NELL1: variants seen among roughly 807,000 people sequenced by gnomAD.
The protein encoded by NELL1 is protein kinase C-binding protein NELL1.
NELL1 carries 76 observed loss-of-function variants against 107.4 expected under a neutral mutation model. The ratio of observed to expected loss-of-function variants is 0.71; its 90% CI spans 0.59 to 0.86. The LOEUF (loss-of-function observed/expected upper bound fraction) is 0.86. NELL1 is among the 40% of genes least tolerant of loss of function. The probability of loss-of-function intolerance (pLI) is 0.00; values close to 1 mark genes in which losing one functional copy is unlikely to be tolerated. For synonymous variants in NELL1, 353 were observed against 341.2 expected, an observed-to-expected ratio of 1.03 and a Z score of -0.38; for missense variants, 1,024 against 1,005.5, an observed-to-expected ratio of 1.02 and a Z score of -0.25.
At chr11:20,766,180 C>T (rs571963974) in intron 2 of NELL1, among the ~76,000 whole-genome samples, 1 of 152,266 alleles carries the variant, frequency 6.6e-6, no homozygotes, top group Admixed American at 6.5e-5. Flanking sequence ...ATGACCCTTC[C>T]CTGGGCCCCC....
intron 2 of NELL1, among the ~76,000 whole-genome samples, chr11:20,732,569 G>A (rs1357543489): frequency 2.0e-5 from 3 of 152,142 alleles, no homozygotes; most frequent in African/African-American, 7.2e-5. Flanking sequence ...AGATCATTTG[G>A]GGCTGGCAGG....
intron 5 of NELL1, among the ~76,000 whole-genome samples, chr11:20,911,004 T>G (rs1020086327): frequency 1.3e-5 from 2 of 152,240 alleles, no homozygotes; most frequent in Non-Finnish European, 2.9e-5. Flanking sequence ...TATGTTTAAC[T>G]GTATACTGTA....
intron 13 of NELL1, among the ~76,000 whole-genome samples, chr11:21,185,536 C>T (rs1856917407): frequency 1.3e-5 from 2 of 151,660 alleles, no homozygotes; most frequent in African/African-American, 4.9e-5. Context: ...CTCAGGTGAT[C>T]CACCCGCCTC....
intron 16 of NELL1, among the ~76,000 whole-genome samples, chr11:21,539,400 C>A (rs191158447): frequency 2.0e-4 from 31 of 152,056 alleles, no homozygotes; most frequent in African/African-American, 7.5e-4. Flanking sequence ...GCCAGTGTGA[C>A]GGCTTTCTGT....
At position 20,992,709 on chromosome 11, in the gene NELL1, ATTTTTTTTTT is replaced by A. The variant is rs56048576; in HGVS notation, c.1300+32162_1300+32171del. On this transcript the variant is annotated intron_variant, in intron 12 of 19. Transcript: ENST00000357134. Reference sequence around the variant, plus strand: ...TGCTACTTCCCTAGGCAAAAGTGGCATTTTTTTTTTTTTTTTTTTTTTGAAACAGAGTTTC... The same window carrying A: ...TGCTACTTCCCTAGGCAAAAGTGGCATTTTTTTTTTTTGAAACAGAGTTTC... 0.012 allele frequency among the ~76,000 whole-genome samples: 1,373 copies of A among 114,502 alleles called. 69 individuals are homozygous for A. In the East Asian group the frequency reaches 0.13, roughly 11 times the overall value. 75.1% of individuals were successfully genotyped at this position (114,502 alleles called of 152,430 possible).
At chr11:20,926,771 C>T (rs1448758843) in intron 7 of NELL1, among the ~76,000 whole-genome samples, 3 of 152,130 alleles carry the variant, frequency 2.0e-5, no homozygotes, top group Admixed American at 1.3e-4. Flanking sequence ...ATTCCTGGGG[C>T]ATTCTGTTTG....
At chr11:21,088,038 T>G (rs12418446) in intron 12 of NELL1, among the ~76,000 whole-genome samples, 22,347 of 151,148 alleles carry the variant, frequency 0.15, 2,072 homozygotes, top group Middle Eastern at 0.27. Context: ...GACAGCTTGT[T>G]TTCTGTGAGT....
In NELL1 at chr11:21,474,606, G is replaced by A. The variant is rs577573135; in HGVS notation, c.1646-59768G>A. On this transcript the variant is annotated intron_variant, in intron 15 of 19. Transcript: ENST00000357134. ...TAATAACTGAAGCAGCTGAGGATTT[G>A]TACCCCTGTCCCTTTCACTGCACCA... 1.0e-3 allele frequency among the ~76,000 whole-genome samples: 154 copies of A among 152,218 alleles called. 2 individuals are homozygous for A. The highest frequency in any genetic ancestry group is 3.6e-3 in the African/African-American group (151 of 41,556).
chr11:21,124,635 C>T (rs1855448850), intron 13 of NELL1, among the ~76,000 whole-genome samples: 1 of 149,414 alleles, frequency 6.7e-6, no homozygotes, highest in Admixed American at 6.7e-5. Context: ...AGATTTCGCT[C>T]TTGATGCCCA....
At chr11:20,889,803 A>G (rs1297793938) in intron 5 of NELL1, among the ~76,000 whole-genome samples, 2 of 152,146 alleles carry the variant, frequency 1.3e-5, no homozygotes, top group African/African-American at 4.8e-5. Flanking sequence ...CAGCCAAGGG[A>G]GGCAGATTTC....
intron 5 of NELL1, among the ~76,000 whole-genome samples, chr11:20,910,964 A>G (rs1039585808): frequency 4.6e-5 from 7 of 152,264 alleles, no homozygotes; most frequent in Non-Finnish European, 1.0e-4. Flanking sequence ...AGCACATAAA[A>G]ATGCATTTCT....
intron 15 of NELL1, among the ~76,000 whole-genome samples, chr11:21,377,897 A>G (rs1042845538): frequency 3.9e-5 from 6 of 151,902 alleles, no homozygotes; most frequent in Non-Finnish European, 8.8e-5. Flanking sequence ...ATAGATCAGG[A>G]TTTCTTAACC....
chr11:21,036,082 G>A (rs1260873527), intron 12 of NELL1, among the ~76,000 whole-genome samples: 1 of 151,914 alleles, frequency 6.6e-6, no homozygotes, highest in East Asian at 1.9e-4. Context: ...ACGTTACTAT[G>A]CACCAACAAC....
At position 21,181,951 on chromosome 11, in the gene NELL1, A is replaced by G. The variant is rs796073071; in HGVS notation, c.1427-47381A>G. On this transcript the variant is annotated intron_variant, in intron 13 of 19. Coordinates refer to ENST00000357134, the MANE Select transcript of NELL1 (RefSeq NM_006157.5). The stretch of plus-strand genomic sequence containing the variant: ...ATTTGGCATTATTCTAAGACTTTAC[A>G]TATATTGACTTATTTAATTCTCACA... Among the ~76,000 whole-genome samples, 21 of 152,046 alleles carry G rather than the reference A, an allele frequency of 1.4e-4. 2 individuals carry two copies. Among genetic ancestry groups the G allele is most frequent in the African/African-American group, 4.8e-4 (20 of 41,290 alleles).
intron 15 of NELL1, among the ~76,000 whole-genome samples, chr11:21,533,698 G>A (rs1308369121): frequency 1.3e-5 from 2 of 152,116 alleles, no homozygotes; most frequent in African/African-American, 4.8e-5. Flanking sequence ...AAGAATGATT[G>A]AAGAATGAGA....
intron 2 of NELL1, among the ~76,000 whole-genome samples, chr11:20,769,852 G>T (rs1433202535): frequency 6.6e-6 from 1 of 152,132 alleles, no homozygotes; most frequent in East Asian, 1.9e-4. Context: ...GGTTGCACAA[G>T]GATGAACTTA....
Position 21,340,620 on chromosome 11 carries a change from T to TACACACACACAC in NELL1, c.1550-30203_1550-30192dup, listed in dbSNP as rs71034506. Among the ~76,000 whole-genome samples the TACACACACACAC allele has an allele frequency of 2.0e-3, 289 of 141,796 alleles. 2 individuals carry two copies. The highest frequency in any genetic ancestry group is 6.4e-3 in the African/African-American group (240 of 37,282). 93.0% of individuals were successfully genotyped at this position (141,796 alleles called of 152,430 possible). A position where few individuals can be genotyped will look rare whatever the true frequency, so the allele number is the denominator to read the frequency against. On this transcript the variant is annotated intron_variant, in intron 14 of 19. Coordinates refer to ENST00000357134, the MANE Select transcript of NELL1 (RefSeq NM_006157.5). The stretch of plus-strand genomic sequence containing the variant: ...GGGCACCTAACCCTTTATGACGGGT[T>TACACACACACAC]ACACACACACACACACACACACACA...
rs895092694 is a variant in NELL1, at chr11:20,680,332, C to T, written c.184+2272C>T. On this transcript the variant is annotated intron_variant, in intron 2 of 19. Coordinates refer to ENST00000357134, the MANE Select transcript of NELL1 (RefSeq NM_006157.5). Reference sequence around the variant, plus strand: ...CACATGCAAAATACATTCACCCCATCGCAGTATCTCAAAAAGTCTTAATCC... The same window carrying T: ...CACATGCAAAATACATTCACCCCATTGCAGTATCTCAAAAAGTCTTAATCC... Among the ~76,000 whole-genome samples the T allele has an allele frequency of 1.5e-4, 23 of 152,160 alleles. 1 individual carries two copies. Among genetic ancestry groups the T allele is most frequent in the South Asian group, 8.3e-4 (4 of 4,832 alleles).
chr11:21,194,261 A>C (rs919120619), intron 13 of NELL1, among the ~76,000 whole-genome samples: 1 of 149,280 alleles, frequency 6.7e-6, no homozygotes, highest in African/African-American at 2.6e-5. Flanking sequence ...TCCGGGTTCT[A>C]ACACAGCCCT....
Sources: gnomAD v4.1 joint callset for allele counts (sites outside exome capture counted in the v4.1 genomes callset) on GRCh38, gnomAD v4.1.1 for gene constraint, MANE v1.5 for transcripts, NCBI Gene and HGNC (gene_info 2026-07-23, HGNC 2026-07-21) for gene names.